The following YWHAQ variants were observed in gnomAD, a reference collection of about 807,000 sequenced individuals.
The protein encoded by YWHAQ is 14-3-3 protein theta.
A neutral mutation model predicts 28.3 loss-of-function variants in YWHAQ; 6 were observed. The observed-to-expected ratio is 0.21, with a 90% CI of 0.12 to 0.42. The LOEUF is 0.42. YWHAQ is among the 10% of genes least tolerant of loss of function. The pLI, the probability that YWHAQ is intolerant of heterozygous loss-of-function variation, is 1.00. For synonymous variants in YWHAQ, 143 were observed against 119.1 expected (o/e 1.20, Z -1.31); for missense variants, 201 against 305.6 (o/e 0.66, Z 2.55).
At chr2:9,597,634 C>CAAAA (rs562319001) in intron 2 of YWHAQ, among the ~76,000 whole-genome samples, 6 of 75,310 alleles carry the variant, frequency 8.0e-5, no homozygotes, top group Admixed American at 1.7e-4. Context: ...AACTCCGTCT[C>CAAAA]AAAAAAAAAA....
intron 3 of YWHAQ, among the ~76,000 whole-genome samples, chr2:9,590,889 C>T (rs988299161): frequency 1.3e-5 from 2 of 152,212 alleles, no homozygotes; most frequent in Non-Finnish European, 2.9e-5. Context: ...CATTTCACCT[C>T]TCCTCAGAAA....
intron 2 of YWHAQ, among the ~76,000 whole-genome samples, chr2:9,627,411 G>C (rs924723308): frequency 6.6e-6 from 1 of 152,160 alleles, no homozygotes; most frequent in Non-Finnish European, 1.5e-5. Flanking sequence ...AAAAACTTTA[G>C]GTGTTACTCT....
intron 2 of YWHAQ, among the ~76,000 whole-genome samples, chr2:9,608,334 C>T (rs751534018): frequency 3.3e-5 from 5 of 152,128 alleles, no homozygotes; most frequent in Non-Finnish European, 5.9e-5. Context: ...TGAAAGTTTA[C>T]AACACAACAA....
intron 2 of YWHAQ, among the ~76,000 whole-genome samples, chr2:9,602,845 AAAAAAAAAAAAAAAAAAATATAT>A (rs1378883585): frequency 3.4e-3 from 106 of 30,948 alleles, no homozygotes; most frequent in Middle Eastern, 0.018. Flanking sequence ...AAAAAAAAAA[AAAAAAAAAAAAAAAAAAATATAT>A]ATATATATAT....
At chr2:9,590,364 GT>G (rs1666432187) in intron 3 of YWHAQ, among the ~76,000 whole-genome samples, 1 of 152,166 alleles carries the variant, frequency 6.6e-6, no homozygotes, top group Non-Finnish European at 1.5e-5. Context: ...AGGTATAACA[GT>G]TTCTCAGGTA....
At chr2:9,623,116 T>A (rs1001870490) in intron 2 of YWHAQ, among the ~76,000 whole-genome samples, 4 of 152,228 alleles carry the variant, frequency 2.6e-5, no homozygotes, top group African/African-American at 9.6e-5. Flanking sequence ...TGAAACTACA[T>A]GAGACTTAAA....
In YWHAQ at chr2:9,630,378, G is replaced by A; in HGVS notation, c.75C>T (p.Cys25=). The change falls in exon 2 of 6, where the codon TGC becomes TGT. Residue 25 remains cysteine (C), a synonymous_variant. Coordinates refer to ENST00000238081, the MANE Select transcript of YWHAQ (RefSeq NM_006826.4). This position sits in a 1 kb window ranked among gnomAD's most constrained non-coding sequence, Gnocchi z 5.6. ...CGCCCTGCTCGGTCACTGCCTTCAT[G>A]CAGGTGGCCATGTCGTCGTAGCGCT... ...QAERYDDMAT[C]MKAVTEQGAE... is the part of the protein sequence containing the mutation. The A allele has an allele frequency of 6.2e-7, 1 of 1,613,998 alleles. No individual in the cohort carries two copies. Among genetic ancestry groups the A allele is most frequent in the East Asian group, 2.2e-5 (1 of 44,860 alleles).
At chr2:9,629,726 T>C (rs1318034530) in intron 2 of YWHAQ, among the ~76,000 whole-genome samples, 1 of 152,218 alleles carries the variant, frequency 6.6e-6, no homozygotes, top group Non-Finnish European at 1.5e-5. Flanking sequence ...TTTCCATTAC[T>C]GGGTTTGGGA....
intron 2 of YWHAQ, among the ~76,000 whole-genome samples, chr2:9,602,892 T>A (rs1666743810): frequency 1.1e-5 from 1 of 92,394 alleles, no homozygotes; most frequent in Non-Finnish European, 2.2e-5. Context: ...TATATATATA[T>A]ATATATATAT....
intron 5 of YWHAQ, 124 bp downstream of exon 5, chr2:9,587,290 T>TA: frequency 1.2e-6 from 1 of 807,536 alleles, no homozygotes; most frequent in Non-Finnish European, 1.9e-6. Flanking sequence ...TCCCATAAAA[T>TA]ACTAACACGT....
rs1339844570 is a variant in YWHAQ at position 9,630,780 on chromosome 2, G to A, written c.-83+161C>T. On this transcript the variant is annotated intron_variant, in intron 1 of 5. Coordinates refer to ENST00000238081, the MANE Select transcript of YWHAQ (RefSeq NM_006826.4). This position sits in a 1 kb window ranked among gnomAD's most constrained non-coding sequence, Gnocchi z 5.6. The stretch of plus-strand genomic sequence containing the variant: ...CCGCTCCCGCCACCCCCGCCCGGCC[G>A]GCCCAAGATGGAAGCGACCGTTGGC... 1 of 146,666 alleles carries A rather than the reference G, an allele frequency of 6.8e-6. No homozygotes were observed. The highest frequency in any genetic ancestry group is 1.5e-5 in the Non-Finnish European group (1 of 66,912). The allele number at this position is 146,666 out of a possible 1,614,324, so 9.1% of individuals were successfully genotyped here. A position where few individuals can be genotyped will look rare whatever the true frequency, so the allele number is the denominator to read the frequency against.
At chr2:9,606,352 G>A (rs1263265785) in intron 2 of YWHAQ, among the ~76,000 whole-genome samples, 1 of 152,168 alleles carries the variant, frequency 6.6e-6, no homozygotes, top group African/African-American at 2.4e-5. Flanking sequence ...GACTGCCTGA[G>A]CTCAGGAGTT....
chr2:9,590,129 A>G (rs1666429173), intron 3 of YWHAQ, among the ~76,000 whole-genome samples: 1 of 152,222 alleles, frequency 6.6e-6, no homozygotes, highest in Admixed American at 6.5e-5. Flanking sequence ...GAATGTACAC[A>G]GGACTACGTG....
intron 2 of YWHAQ, among the ~76,000 whole-genome samples, chr2:9,612,039 T>C (rs1167475563): frequency 6.6e-6 from 1 of 152,208 alleles, no homozygotes. Flanking sequence ...GCCACCTACG[T>C]TCATCCACAC....
intron 3 of YWHAQ, among the ~76,000 whole-genome samples, chr2:9,590,163 C>T (rs922103716): frequency 1.3e-5 from 2 of 152,188 alleles, no homozygotes; most frequent in African/African-American, 4.8e-5. Flanking sequence ...TGCCAATGAG[C>T]TCCTAAGGGT....
intron 5 of YWHAQ, among the ~76,000 whole-genome samples, chr2:9,587,044 G>A (rs1215482423): frequency 2.0e-5 from 3 of 152,136 alleles, no homozygotes; most frequent in Non-Finnish European, 4.4e-5. Flanking sequence ...ATTAGAACAA[G>A]GTACTTCCTG....
At chr2:9,622,829 C>T (rs1187595000) in intron 2 of YWHAQ, among the ~76,000 whole-genome samples, 1 of 152,210 alleles carries the variant, frequency 6.6e-6, no homozygotes, top group Admixed American at 6.5e-5. Flanking sequence ...ACTGACTTAT[C>T]TATGGATTAA....
At chr2:9,624,188 G>A (rs528341076) in intron 2 of YWHAQ, among the ~76,000 whole-genome samples, 10 of 152,232 alleles carry the variant, frequency 6.6e-5, no homozygotes, top group African/African-American at 2.2e-4. Flanking sequence ...CCCGGGAGGT[G>A]GAGGTTGCAG....
intron 2 of YWHAQ, among the ~76,000 whole-genome samples, chr2:9,593,535 CAG>C (rs1666500863): frequency 6.6e-6 from 1 of 151,904 alleles, no homozygotes. Context: ...AGAAAATAAA[CAG>C]AGGCTGCGTA....
Sources: allele counts gnomAD v4.1 joint callset (sites outside exome capture counted in the v4.1 genomes callset), GRCh38; gene constraint gnomAD v4.1.1; non-coding constraint Gnocchi (gnomAD v3.1); transcripts MANE v1.5; gene names NCBI Gene and HGNC (gene_info 2026-07-23, HGNC 2026-07-21).